GALNT18: variants seen among roughly 807,000 people sequenced by gnomAD.
GALNT18 encodes GalNAc-transferase 18.
In GALNT18, 44 loss-of-function variants were observed where a neutral mutation model predicts 69.5. The observed-to-expected ratio is 0.63, with a 90% CI of 0.50 to 0.81. The LOEUF is 0.81. GALNT18 is among the 40% of genes least tolerant of loss of function. GALNT18 has a pLI of 0.00. For missense variants in GALNT18, 715 were observed against 810.0 expected, an observed-to-expected ratio of 0.88 and a Z score of 1.42; for synonymous variants, 364 against 318.2, an observed-to-expected ratio of 1.14 and a Z score of -1.53.
rs1202491999 is a variant in GALNT18 at position 11,430,407 on chromosome 11, C to T, written c.595+2214G>A. On this transcript the variant is annotated intron_variant, in intron 3 of 10. Coordinates refer to ENST00000227756, the MANE Select transcript of GALNT18 (RefSeq NM_198516.3). This position sits in a 1 kb window ranked among gnomAD's most constrained non-coding sequence, Gnocchi z 4.9. ...CAGAGCTTGTTCGGATCTCTCCTTA[C>T]ATAGGCAGGCACTGGTTTGGGTGTG... is the stretch of plus-strand genomic sequence containing the variant. Among the ~76,000 whole-genome samples the T allele has an allele frequency of 6.6e-6, 1 of 152,210 alleles. No individual in the cohort carries two copies. Among genetic ancestry groups the T allele is most frequent in the African/African-American group, 2.4e-5 (1 of 41,452 alleles).
chr11:11,474,539 G>A (rs1418706989), intron 1 of GALNT18, among the ~76,000 whole-genome samples: 1 of 152,160 alleles, frequency 6.6e-6, no homozygotes, highest in African/African-American at 2.4e-5. Flanking sequence ...ATGGAAGGAG[G>A]CCAGTGCGTA....
At position 11,383,239 on chromosome 11, in the gene GALNT18, G is replaced by A. The variant is rs1254717198; in HGVS notation, c.596-3975C>T. 1.3e-5 allele frequency among the ~76,000 whole-genome samples: 2 copies of A among 152,072 alleles called. No individual in the cohort carries two copies. Among genetic ancestry groups the A allele is most frequent in the Non-Finnish European group, 2.9e-5 (2 of 68,014 alleles). On this transcript the variant is annotated intron_variant, in intron 3 of 10. Transcript: ENST00000227756. The surrounding 1 kb of genome is among the most constrained non-coding windows in gnomAD (Gnocchi z 5.2). ...AGACTTAGACGCCAAGGAAACACAG[G>A]GGATTCACCAGCCTGGTCAAACAGA...
At chr11:11,490,155 G>T (rs1211582297) in intron 1 of GALNT18, among the ~76,000 whole-genome samples, 1 of 151,964 alleles carries the variant, frequency 6.6e-6, no homozygotes, top group Non-Finnish European at 1.5e-5. Flanking sequence ...TCATGGGAGT[G>T]GGTTTCTTAT....
chr11:11,333,174 G>A (rs1347617144), intron 7 of GALNT18, among the ~76,000 whole-genome samples: 2 of 151,922 alleles, frequency 1.3e-5, no homozygotes, highest in East Asian at 3.9e-4. Flanking sequence ...TACCTCAAGA[G>A]GCAAGATGAG....
intron 10 of GALNT18, among the ~76,000 whole-genome samples, chr11:11,278,280 G>GGACTT (rs1195298070): frequency 6.6e-6 from 1 of 151,478 alleles, no homozygotes; most frequent in Admixed American, 6.6e-5. Context: ...AGGATATCCA[G>GGACTT]GACTTGAACT....
chr11:11,500,850 G>T lies in GALNT18; in HGVS notation c.236-51914C>A, dbSNP rs1371801374. Among the ~76,000 whole-genome samples, 1 of 152,202 alleles carries T rather than the reference G, an allele frequency of 6.6e-6. No homozygotes were observed. The highest frequency in any genetic ancestry group is 1.5e-5 in the Non-Finnish European group (1 of 68,036). ...AGCACCAGGCTCTCCCCAAACCTGG[G>T]AGTTCCTTTCCTTCCCTGTCTTTTT... On this transcript the variant is annotated intron_variant, in intron 1 of 10. Coordinates refer to ENST00000227756, the MANE Select transcript of GALNT18 (RefSeq NM_198516.3). The surrounding 1 kb of genome is among the most constrained non-coding windows in gnomAD (Gnocchi z 5.0).
intron 9 of GALNT18, among the ~76,000 whole-genome samples, chr11:11,326,613 G>C (rs1048942133): frequency 1.3e-5 from 2 of 152,168 alleles, no homozygotes; most frequent in Admixed American, 1.3e-4. Flanking sequence ...GAGCTGGAAA[G>C]AAGGACCATG....
rs971077954 is a variant in GALNT18, at chr11:11,602,295, C to A, written c.235+19064G>T. Among the ~76,000 whole-genome samples, 4 of 152,088 alleles carry A rather than the reference C, an allele frequency of 2.6e-5. No homozygotes were observed. The highest frequency in any genetic ancestry group is 5.9e-5 in the Non-Finnish European group (4 of 68,004). On this transcript the variant is annotated intron_variant, in intron 1 of 10. Coordinates refer to ENST00000227756, the MANE Select transcript of GALNT18 (RefSeq NM_198516.3). The surrounding 1 kb of genome is among the most constrained non-coding windows in gnomAD (Gnocchi z 4.7). ...GAGCCAGGGATAGGGGCAATCAGGG[C>A]CTAGTATTCTCAACACAGGGTAAAG...
rs192209582 is a variant in GALNT18 at position 11,325,126 on chromosome 11, G to A, written c.1512+1960C>T. 2.6e-3 allele frequency among the ~76,000 whole-genome samples: 395 copies of A among 152,310 alleles called. 3 individuals carry two copies. The highest frequency in any genetic ancestry group is 8.7e-3 in the African/African-American group (362 of 41,554). ...AACCTGAGTGCCCATCAGCCAACGAGTGGATAAAGAAAATGTGGTATATAT... is the reference window on the plus strand; with the variant it reads ...AACCTGAGTGCCCATCAGCCAACGAATGGATAAAGAAAATGTGGTATATAT... On this transcript the variant is annotated intron_variant, in intron 9 of 10. Transcript: ENST00000227756.
chr11:11,540,942 A>C lies in GALNT18; in HGVS notation c.235+80417T>G, dbSNP rs1235260950. Among the ~76,000 whole-genome samples, 2 of 152,172 alleles carry C rather than the reference A, an allele frequency of 1.3e-5. No individual in the cohort carries two copies. Among genetic ancestry groups the C allele is most frequent in the African/African-American group, 4.8e-5 (2 of 41,444 alleles). On this transcript the variant is annotated intron_variant, in intron 1 of 10. Transcript: ENST00000227756. The surrounding 1 kb of genome is among the most constrained non-coding windows in gnomAD (Gnocchi z 4.6). ...ATATTAACCCTGTAAACTGCATCCA[A>C]ATTGCTAAAAGATTTGTGCAATGTT...
At chr11:11,384,036 C>A (rs1393525630) in intron 3 of GALNT18, among the ~76,000 whole-genome samples, 1 of 151,934 alleles carries the variant, frequency 6.6e-6, no homozygotes, top group South Asian at 2.1e-4. Flanking sequence ...AATACACTTA[C>A]TATTAGTCCA....
chr11:11,372,659 G>A lies in GALNT18; in HGVS notation c.978-30C>T. On this transcript the variant is annotated intron_variant, in intron 5 of 10. Transcript: ENST00000227756. This position sits in a 1 kb window ranked among gnomAD's most constrained non-coding sequence, Gnocchi z 4.9. The stretch of plus-strand genomic sequence containing the variant: ...AGGGGCAGGGGAGAGCAGAAGGGCT[G>A]TCTGGTGCAGCTGTCCGAGGAGTAA... 1.3e-6 allele frequency: 2 copies of A among 1,561,540 alleles called. No individual in the cohort carries two copies. The highest frequency in any genetic ancestry group is 1.8e-6 in the Non-Finnish European group (2 of 1,133,598).
At position 11,617,271 on chromosome 11, in the gene GALNT18, T is replaced by A. The variant is rs1389182394; in HGVS notation, c.235+4088A>T. ...TTAACCAATTTTTCTATTAACTAACTCAAGCCCTGACCACGTTGACTAAAA... is the reference window on the plus strand; with the variant it reads ...TTAACCAATTTTTCTATTAACTAACACAAGCCCTGACCACGTTGACTAAAA... On this transcript the variant is annotated intron_variant, in intron 1 of 10. Transcript: ENST00000227756. The surrounding 1 kb of genome is among the most constrained non-coding windows in gnomAD (Gnocchi z 4.7). Among the ~76,000 whole-genome samples the A allele has an allele frequency of 6.6e-6, 1 of 152,220 alleles. No homozygotes were observed. The highest frequency in any genetic ancestry group is 1.5e-5 in the Non-Finnish European group (1 of 68,040).
intron 1 of GALNT18, among the ~76,000 whole-genome samples, chr11:11,514,603 C>A (rs1257422140): frequency 6.6e-6 from 1 of 152,258 alleles, no homozygotes; most frequent in Non-Finnish European, 1.5e-5. Context: ...CCCCTTCCTA[C>A]TCTTGCCCTA....
At position 11,590,011 on chromosome 11, in the gene GALNT18, GCTCTGCCACTTGCTAC is replaced by G. The variant is rs1859318207; in HGVS notation, c.235+31332_235+31347del. Among the ~76,000 whole-genome samples, 2 of 152,182 alleles carry G rather than the reference GCTCTGCCACTTGCTAC, an allele frequency of 1.3e-5. No homozygotes were observed. Among genetic ancestry groups the G allele is most frequent in the Admixed American group, 1.3e-4 (2 of 15,278 alleles). On this transcript the variant is annotated intron_variant, in intron 1 of 10. Transcript: ENST00000227756. This position sits in a 1 kb window ranked among gnomAD's most constrained non-coding sequence, Gnocchi z 4.4. ...TACACAGACCTAGGTCCTACTCCTGGCTCTGCCACTTGCTACCTTTGTGACTTTACCTAGGGGTGAT... is the reference window on the plus strand; with the variant it reads ...TACACAGACCTAGGTCCTACTCCTGGCTTTGTGACTTTACCTAGGGGTGAT...
At chr11:11,343,660 T>G (rs1850250300) in intron 6 of GALNT18, among the ~76,000 whole-genome samples, 2 of 152,198 alleles carry the variant, frequency 1.3e-5, no homozygotes, top group South Asian at 4.1e-4. Flanking sequence ...GTGAATCCCA[T>G]GAAGAAGTTA....
chr11:11,551,570 C>T (rs184925669), intron 1 of GALNT18, among the ~76,000 whole-genome samples: 9 of 152,246 alleles, frequency 5.9e-5, no homozygotes, highest in Non-Finnish European at 7.4e-5. Flanking sequence ...AGCTTACTCC[C>T]ATGGAGAGAA....
chr11:11,298,449 G>C lies in GALNT18; in HGVS notation c.1513-5256C>G, dbSNP rs141607185. 3.4e-3 allele frequency among the ~76,000 whole-genome samples: 512 copies of C among 152,356 alleles called. 1 individual carries two copies. The highest frequency in any genetic ancestry group is 0.012 in the African/African-American group (487 of 41,594). On this transcript the variant is annotated intron_variant, in intron 9 of 10. Transcript: ENST00000227756. ...AGGGAGAAGTCCTGAGCAAGGCTGA[G>C]TTCTGGCAGCTCAGGGCCTGTGGCC...
rs1855371304 is a variant in GALNT18, at chr11:11,435,201, C to T, written c.429-2414G>A. 6.6e-6 allele frequency among the ~76,000 whole-genome samples: 1 copy of T among 152,172 alleles called. No homozygotes were observed. Among genetic ancestry groups the T allele is most frequent in the African/African-American group, 2.4e-5 (1 of 41,432 alleles). On this transcript the variant is annotated intron_variant, in intron 2 of 10. Transcript: ENST00000227756. This position sits in a 1 kb window ranked among gnomAD's most constrained non-coding sequence, Gnocchi z 4.4. ...GGTCTGCACTGCGTTCCCAGAGCCT[C>T]AGTATCCAAATTTCCAGGGTGTTCA...
Sources: gnomAD v4.1 joint callset for allele counts (sites outside exome capture counted in the v4.1 genomes callset) on GRCh38, gnomAD v4.1.1 for gene constraint, Gnocchi (gnomAD v3.1) non-coding constraint, MANE v1.5 for transcripts, NCBI Gene and HGNC (gene_info 2026-07-23, HGNC 2026-07-21) for gene names.